The following CT55 variants were observed in gnomAD, a reference collection of about 807,000 sequenced individuals.
CT55 encodes BRCA2-interacting protein.
In CT55, 1 loss-of-function variant was observed where a neutral mutation model predicts 12.6. The observed-to-expected ratio is 0.08, with a 90% CI of 0.03 to 0.38. The LOEUF is 0.38. Ranked by LOEUF, CT55 falls within the 10% of genes least tolerant of loss-of-function variation. The pLI is 0.99. For synonymous variants in CT55, 43 were observed against 49.7 expected, an observed-to-expected ratio of 0.87 and a Z score of 0.57; for missense variants, 109 against 135.4, an observed-to-expected ratio of 0.80 and a Z score of 0.97.
At chrX:135,164,823 G>A in intron 2 of CT55, among the ~76,000 whole-genome samples, 1 of 112,387 alleles carries the variant, frequency 8.9e-6, no homozygotes, top group Non-Finnish European at 1.9e-5. Context: ...ATCACAAACT[G>A]TAAAAAGAGA....
At chrX:135,168,141 TC>T (rs782613093) in intron 2 of CT55, among the ~76,000 whole-genome samples, 38 of 112,253 alleles carry the variant, frequency 3.4e-4, no homozygotes, top group Non-Finnish European at 6.2e-4. Context: ...TGTCAGCACT[TC>T]CATGTTTGTT....
chrX:135,159,207 T>TTC (rs60230637), intron 3 of CT55, among the ~76,000 whole-genome samples: 1,175 of 100,519 alleles, frequency 0.012, 8 homozygotes, highest in Middle Eastern at 0.031. Context: ...GTTAGACCTG[T>TTC]TCTCTCTCTC....
At position 135,171,385 on chromosome X, in the gene CT55, T is replaced by G. The variant is rs1162664669; in HGVS notation, c.-214A>C. ...CCAAAGGAGCTCCCAGCTTCTCCGC[T>G]GACTTCTCCCTCTGAGCATGCGCTC... On this transcript the variant is annotated 5_prime_UTR_variant, in exon 1 of 6. Transcript: ENST00000276241. The G allele has an allele frequency of 6.0e-6, 4 of 666,473 alleles. No individual in the cohort carries two copies. In the African/African-American group the frequency reaches 6.7e-5, roughly 11 times the overall value. 54.9% of individuals were successfully genotyped at this position (666,473 alleles called of 1,213,427 possible).
chrX:135,163,161 C>A (rs2083569541), intron 2 of CT55, among the ~76,000 whole-genome samples: 1 of 112,242 alleles, frequency 8.9e-6, no homozygotes, highest in South Asian at 3.7e-4. Flanking sequence ...AAACACATTA[C>A]CACAAAGATC....
At chrX:135,170,866 C>T in intron 1 of CT55, among the ~76,000 whole-genome samples, 1 of 112,041 alleles carries the variant, frequency 8.9e-6, no homozygotes, top group East Asian at 2.8e-4. Flanking sequence ...AACACCTTCC[C>T]GCTTTAGATG....
rs782476938 is a variant in CT55 at position 135,171,142 on chromosome X, G to A, written c.30C>T (p.Ala10=). Residue 10 remains alanine (A), a synonymous_variant, in exon 1 of 6, where the codon GCC becomes GCT. Transcript: ENST00000276241. MLRLLRLAL[A]FYGRTADPAE... is the part of the protein sequence containing the mutation. ...CAGGGTCGGCCGTCCTCCCGTAGAA[G>A]GCCAAAGCAAGTCTCAGAAGCCTGA... 4 of 1,211,793 alleles carry A rather than the reference G, an allele frequency of 3.3e-6. No individual in the cohort carries two copies. In the African/African-American group the frequency reaches 6.9e-5, roughly 21 times the overall value.
intron 1 of CT55, among the ~76,000 whole-genome samples, chrX:135,170,133 A>G (rs1321651599): frequency 4.5e-5 from 5 of 111,002 alleles, no homozygotes; most frequent in Non-Finnish European, 9.5e-5. Context: ...CAGCCTCCCC[A>G]GTAGCTGGGA....
At position 135,171,060 on chromosome X, in the gene CT55, G is replaced by A. The variant is rs782222923; in HGVS notation, c.94+18C>T. ...GAGGCTTCTGGGGTGGGGGACAAGGGGACACACAGAGGAATACCTTGTGGG... is the reference window on the plus strand; with the variant it reads ...GAGGCTTCTGGGGTGGGGGACAAGGAGACACACAGAGGAATACCTTGTGGG... On this transcript the variant is annotated intron_variant, in intron 1 of 5. Transcript: ENST00000276241. The A allele has an allele frequency of 2.5e-6, 3 of 1,209,570 alleles. No individual in the cohort carries two copies. In the South Asian group the frequency reaches 5.3e-5, roughly 21 times the overall value.
intron 2 of CT55, among the ~76,000 whole-genome samples, chrX:135,167,395 A>T (rs375279121): frequency 1.8e-5 from 2 of 112,099 alleles, no homozygotes; most frequent in East Asian, 5.6e-4. Flanking sequence ...CTGGATATTC[A>T]TCTGAGAAAA....
At chrX:135,169,197 TTGG>T (rs1416992344) in intron 2 of CT55, among the ~76,000 whole-genome samples, 1 of 112,535 alleles carries the variant, frequency 8.9e-6, no homozygotes, top group African/African-American at 3.2e-5. Flanking sequence ...AGTTTTGTGG[TTGG>T]TGAATTATAA....
chrX:135,166,441 TAA>T (rs1199614236), intron 2 of CT55, among the ~76,000 whole-genome samples: 1 of 111,605 alleles, frequency 9.0e-6, no homozygotes, highest in Non-Finnish European at 1.9e-5. Context: ...AAATTAGGTA[TAA>T]GAGGAGTGCA....
chrX:135,171,761 G>C (rs2083613046), upstream of CT55, among the ~76,000 whole-genome samples: 1 of 111,769 alleles, frequency 8.9e-6, no homozygotes, highest in Non-Finnish European at 1.9e-5. Context: ...TTTGTGGAGA[G>C]AGGGCATCAT....
At chrX:135,164,353 T>G (rs782162658) in intron 2 of CT55, among the ~76,000 whole-genome samples, 2 of 112,090 alleles carry the variant, frequency 1.8e-5, no homozygotes, top group African/African-American at 6.5e-5. Context: ...ATGTTATCAG[T>G]AAAATAATCT....
At chrX:135,168,305 C>A (rs782284923) in intron 2 of CT55, among the ~76,000 whole-genome samples, 2 of 111,790 alleles carry the variant, frequency 1.8e-5, no homozygotes, top group African/African-American at 6.5e-5. Context: ...CCTGGATGAA[C>A]CTGGAGAATG....
At chrX:135,160,350 G>A in intron 3 of CT55, 61 bp downstream of exon 3, 1 of 1,093,403 alleles carries the variant, frequency 9.1e-7, no homozygotes, top group Non-Finnish European at 1.2e-6. Context: ...AGTTGTTCCA[G>A]GACTAAAATC....
intron 2 of CT55, among the ~76,000 whole-genome samples, chrX:135,167,183 A>G (rs1273554578): frequency 8.9e-6 from 1 of 112,001 alleles, no homozygotes; most frequent in Non-Finnish European, 1.9e-5. Context: ...GCATCACACT[A>G]TGATGTCAAA....
intron 1 of CT55, among the ~76,000 whole-genome samples, chrX:135,170,181 A>G (rs2083604847): frequency 9.1e-6 from 1 of 109,755 alleles, no homozygotes; most frequent in Non-Finnish European, 1.9e-5. Context: ...TAATTTTTGA[A>G]TTGTTAATAG....
intron 2 of CT55, among the ~76,000 whole-genome samples, chrX:135,169,386 ATAAG>A (rs2083600739): frequency 8.9e-6 from 1 of 112,590 alleles, no homozygotes; most frequent in South Asian, 3.6e-4. Flanking sequence ...AGAATAATAG[ATAAG>A]TAAGCTTTTA....
intron 2 of CT55, among the ~76,000 whole-genome samples, chrX:135,165,003 G>T (rs1484075440): frequency 8.9e-6 from 1 of 112,088 alleles, no homozygotes; most frequent in Non-Finnish European, 1.9e-5. Context: ...CACCCAACTT[G>T]CAGCAATGAA....
Sources: gnomAD v4.1 joint callset for allele counts (sites outside exome capture counted in the v4.1 genomes callset) on GRCh38, gnomAD v4.1.1 for gene constraint, MANE v1.5 for transcripts, NCBI Gene and HGNC (gene_info 2026-07-23, HGNC 2026-07-21) for gene names.